SLC10A2: variants seen among roughly 807,000 people sequenced by gnomAD.
The protein encoded by SLC10A2 is solute carrier family 10 member 2, also known as ileal sodium/bile acid cotransporter.
Under a neutral mutation model 27.1 loss-of-function variants are expected in SLC10A2, and 34 were observed. The ratio of observed to expected loss-of-function variants is 1.26; its 90% confidence interval spans 0.96 to 1.67. The LOEUF (loss-of-function observed/expected upper bound fraction) is 1.67. Among genes scored for constraint, SLC10A2 ranks in the 40% most tolerant of loss-of-function variants. The pLI is 0.00. For synonymous variants in SLC10A2, 205 were observed against 174.0 expected (o/e 1.18, Z -1.40); for missense variants, 530 against 444.4 (o/e 1.19, Z -1.73).
Position 103,052,634 on chromosome 13 carries a change from T to C in SLC10A2, c.571A>G (p.Lys191Glu), listed in dbSNP as rs201623890. 4 of 1,609,282 alleles carry C rather than the reference T, an allele frequency of 2.5e-6. No homozygotes were observed. The highest frequency in any genetic ancestry group is 3.4e-6 in the Non-Finnish European group (4 of 1,175,674). ...GGGATACTTACTTTAAGTATGATCT[T>C]TGCTTTTTGGGGCCATTTGTGATTA... ...FVNHKWPQKA[K>E]IILKIGSIAG... is the part of the protein sequence containing the mutation. The change falls in exon 3 of 6, where the codon AAG (lysine) becomes GAG (glutamate). Residue 191 changes from lysine (K) to glutamate (E), a missense_variant. Coordinates refer to ENST00000245312, the MANE Select transcript of SLC10A2 (RefSeq NM_000452.3).
At chr13:103,051,178 G>A in intron 4 of SLC10A2, 79 bp downstream of exon 4, 1 of 1,445,290 alleles carries the variant, frequency 6.9e-7, no homozygotes, top group South Asian at 1.1e-5. Flanking sequence ...TTGTGGTTCT[G>A]TCTTATGGCA....
intron 5 of SLC10A2, among the ~76,000 whole-genome samples, chr13:103,048,785 C>T (rs1403775652): frequency 6.6e-6 from 1 of 152,134 alleles, no homozygotes; most frequent in Non-Finnish European, 1.5e-5. Context: ...TTTGCTTCAA[C>T]CACTTCAATT....
intron 3 of SLC10A2, among the ~76,000 whole-genome samples, chr13:103,051,708 C>T (rs1875786746): frequency 6.6e-6 from 1 of 152,168 alleles, no homozygotes; most frequent in Non-Finnish European, 1.5e-5. Flanking sequence ...CTTGTCAGAA[C>T]AAAAAGACAA....
Position 103,065,898 on chromosome 13 carries a change from A to G in SLC10A2, c.352T>C (p.Trp118Arg). Residue 118 changes from tryptophan to arginine, a missense_variant, in exon 1 of 6, where the codon TGG becomes CGG. By Grantham distance (101) the Trp-to-Arg change is moderately radical. Transcript: ENST00000245312. ...CTCAGGTCCATGTCGCCATCGACCC[A>G]ATAGGCCAAGATATTGGAGGCAGTT... is the stretch of plus-strand genomic sequence containing the variant. Reference protein sequence around the residue: ...GGTASNILAYWVDGDMDLSVS... With the variant: ...GGTASNILAYRVDGDMDLSVS... 6.2e-7 allele frequency: 1 copy of G among 1,614,172 alleles called. No homozygotes were observed. The highest frequency in any genetic ancestry group is 8.5e-7 in the Non-Finnish European group (1 of 1,180,024).
chr13:103,054,385 G>A (rs987136909), intron 2 of SLC10A2, among the ~76,000 whole-genome samples: 3 of 152,118 alleles, frequency 2.0e-5, no homozygotes, highest in Admixed American at 2.0e-4. Flanking sequence ...ATAGCAATGA[G>A]AGAACAGATG....
intron 1 of SLC10A2, among the ~76,000 whole-genome samples, chr13:103,062,788 T>A (rs1876162851): frequency 6.6e-6 from 1 of 151,928 alleles, no homozygotes; most frequent in Admixed American, 6.6e-5. Flanking sequence ...TAAAAAGGAA[T>A]GTAGAAAGTA....
intron 5 of SLC10A2, 33 bp from the exon 6 acceptor site, chr13:103,046,293 T>C (rs1283943479): frequency 4.5e-6 from 7 of 1,551,834 alleles, no homozygotes; most frequent in Non-Finnish European, 6.2e-6. Context: ...TTAAGTAAAT[T>C]TTATAATAAT....
intron 1 of SLC10A2, among the ~76,000 whole-genome samples, chr13:103,059,864 G>T (rs1876052578): frequency 6.6e-6 from 1 of 152,170 alleles, no homozygotes; most frequent in African/African-American, 2.4e-5. Context: ...ACCCTAGCTT[G>T]GGACAAGAAG....
rs929808194 is a variant in SLC10A2, at chr13:103,046,177, A to G, written c.1003T>C (p.Ser335Pro). Residue 335 changes from serine to proline, a missense_variant, in exon 6 of 6, where the codon TCG (serine) becomes CCG (proline). By Grantham distance (74) the Ser-to-Pro change is moderately conservative (BLOSUM62 -1). Transcript: ENST00000245312. The part of the protein sequence containing the change: ...SKENGTEPES[S>P]FYKANGGFQP... ...AATCCTCCATTTGCCTTATAAAACGATGACTCTGGCTCCGTTCCATTTTCT... is the reference window on the plus strand; with the variant it reads ...AATCCTCCATTTGCCTTATAAAACGGTGACTCTGGCTCCGTTCCATTTTCT... The G allele has an allele frequency of 6.2e-7, 1 of 1,613,938 alleles. No homozygotes were observed. The highest frequency in any genetic ancestry group is 8.5e-7 in the Non-Finnish European group (1 of 1,179,872).
In SLC10A2 at chr13:103,051,253, A is replaced by T. The variant is rs200484022; in HGVS notation, c.761+4T>A. 1.5e-5 allele frequency: 24 copies of T among 1,613,708 alleles called. No individual in the cohort carries two copies. The highest frequency in any genetic ancestry group is 2.2e-5 in the East Asian group (1 of 44,884). On this transcript the variant is annotated splice_donor_region_variant and intron_variant, in intron 4 of 5. Transcript: ENST00000245312. Reference sequence around the variant, plus strand: ...TTCCCAATGTGATTTACTAAATGCCATACCTGTACCAGGGTAGACCAGCAA... The same window carrying T: ...TTCCCAATGTGATTTACTAAATGCCTTACCTGTACCAGGGTAGACCAGCAA...
At chr13:103,048,223 T>C (rs772821730) in intron 5 of SLC10A2, among the ~76,000 whole-genome samples, 2 of 151,906 alleles carry the variant, frequency 1.3e-5, no homozygotes, top group Admixed American at 6.6e-5. Flanking sequence ...CCGTCTCTAC[T>C]AAAAATACAA....
rs1009472161 is a variant in SLC10A2, at chr13:103,044,707, G to C, written c.*1426C>G. 2.0e-5 allele frequency: 3 copies of C among 152,090 alleles called. No homozygotes were observed. The highest frequency in any genetic ancestry group is 7.2e-5 in the African/African-American group (3 of 41,402). The allele number at this position is 152,090 out of a possible 1,614,324, so 9.4% of individuals were successfully genotyped here. ...CATGCAAATGCAAAAAGCCCTTTCA[G>C]CCAAAACACTTGAAATAGACTCTAT... On this transcript the variant is annotated 3_prime_UTR_variant, in exon 6 of 6. Coordinates refer to ENST00000245312, the MANE Select transcript of SLC10A2 (RefSeq NM_000452.3).
chr13:103,049,235 A>C (rs1326205870), intron 5 of SLC10A2, 54 bp downstream of exon 5: 1 of 1,597,486 alleles, frequency 6.3e-7, no homozygotes, highest in African/African-American at 1.3e-5. Flanking sequence ...TTGTTTTAGC[A>C]ACTCCAGGAT....
chr13:103,058,218 A>C (rs1205988155), intron 2 of SLC10A2, 46 bp downstream of exon 2: 5 of 1,103,012 alleles, frequency 4.5e-6, no homozygotes, highest in Non-Finnish European at 7.0e-6. Flanking sequence ...GGGTAAGCAG[A>C]GAGTTTGAGG....
Position 103,058,263 on chromosome 13 carries a change from C to T in SLC10A2, c.496+1G>A. The T allele has an allele frequency of 1.3e-6, 2 of 1,525,730 alleles. No individual in the cohort carries two copies. Among genetic ancestry groups the T allele is most frequent in the African/African-American group, 1.4e-5 (1 of 73,114 alleles). 94.5% of individuals were successfully genotyped at this position (1,525,730 alleles called of 1,614,324 possible). A position where few individuals can be genotyped will look rare whatever the true frequency, so the allele number is the denominator to read the frequency against. On this transcript the variant is annotated splice_donor_variant, in intron 2 of 5. Coordinates refer to ENST00000245312, the MANE Select transcript of SLC10A2 (RefSeq NM_000452.3). LOFTEE classifies it high-confidence loss of function. ...AACAGTCTTACAGATGGATGACTTA[C>T]CTATGTTATCATAGGGAATTACGAT...
chr13:103,058,591 T>C (rs1876011141), intron 1 of SLC10A2, among the ~76,000 whole-genome samples: 1 of 152,208 alleles, frequency 6.6e-6, no homozygotes, highest in Admixed American at 6.5e-5. Flanking sequence ...TTATGTTTCC[T>C]GATCCTCTCT....
chr13:103,066,081 T>C lies in SLC10A2; in HGVS notation c.169A>G (p.Lys57Glu), dbSNP rs766457595. The C allele has an allele frequency of 1.2e-5, 19 of 1,614,176 alleles. No individual in the cohort carries two copies. Among genetic ancestry groups the C allele is most frequent in the Non-Finnish European group, 1.5e-5 (18 of 1,180,028 alleles). Residue 57 changes from lysine to glutamate, a missense_variant, in exon 1 of 6, where the codon AAA becomes GAA. Coordinates refer to ENST00000245312, the MANE Select transcript of SLC10A2 (RefSeq NM_000452.3). ...FSMGCNVEIK[K>E]FLGHIKRPWG... Reference sequence around the variant, plus strand: ...GGCCGCTTTATGTGCCCTAGAAATTTCTTGATTTCCACGTTGCATCCCATG... The same window carrying C: ...GGCCGCTTTATGTGCCCTAGAAATTCCTTGATTTCCACGTTGCATCCCATG...
At chr13:103,065,766 T>A (rs2044927597) in intron 1 of SLC10A2, 107 bp downstream of exon 1, 1 of 1,279,610 alleles carries the variant, frequency 7.8e-7, no homozygotes, top group African/African-American at 1.5e-5. Context: ...GATTCCTTAG[T>A]CATACTTTAG....
Position 103,066,058 on chromosome 13 carries a change from C to T in SLC10A2, c.192G>A (p.Arg64=), listed in dbSNP as rs771716176. Residue 64 remains arginine, a synonymous_variant, in exon 1 of 6, where the codon CGG becomes CGA. Coordinates refer to ENST00000245312, the MANE Select transcript of SLC10A2 (RefSeq NM_000452.3). ...EIKKFLGHIK[R]PWGICVGFLC... ...GGAAGCCAACACAAATGCCCCACGGCCGCTTTATGTGCCCTAGAAATTTCT... is the reference window on the plus strand; with the variant it reads ...GGAAGCCAACACAAATGCCCCACGGTCGCTTTATGTGCCCTAGAAATTTCT... 3.7e-6 allele frequency: 6 copies of T among 1,614,152 alleles called. No individual in the cohort carries two copies. Among genetic ancestry groups the T allele is most frequent in the Admixed American group, 1.7e-5 (1 of 60,024 alleles).
Sources: gnomAD v4.1 joint callset for allele counts (sites outside exome capture counted in the v4.1 genomes callset) on GRCh38, gnomAD v4.1.1 for gene constraint, MANE v1.5 for transcripts, NCBI Gene and HGNC (gene_info 2026-07-23, HGNC 2026-07-21) for gene names.